The following AGBL3 variants were observed in gnomAD, a reference collection of about 807,000 sequenced individuals.
The protein encoded by AGBL3 is cytosolic carboxypeptidase 3.
In AGBL3, 68 loss-of-function variants were observed where a neutral mutation model predicts 94.5. The ratio of observed to expected loss-of-function variants is 0.72; its 90% CI spans 0.59 to 0.88. AGBL3 has a LOEUF of 0.88. AGBL3 is among the 40% of genes least tolerant of loss of function. AGBL3 has a pLI of 0.00. For synonymous variants in AGBL3, 354 were observed against 370.7 expected (o/e 0.95, Z 0.52); for missense variants, 934 against 1,103.8 (o/e 0.85, Z 2.18).
chr7:135,106,506 G>C (rs1016613280), intron 15 of AGBL3, among the ~76,000 whole-genome samples: 2 of 152,162 alleles, frequency 1.3e-5, no homozygotes, highest in South Asian at 4.1e-4. Flanking sequence ...TTTATGTGAT[G>C]AATCACATTT....
At chr7:135,012,586 A>C (rs1238273249) in intron 4 of AGBL3, 2 of 152,186 alleles carry the variant, frequency 1.3e-5, no homozygotes, top group African/African-American at 4.8e-5. Context: ...CAATTGACAA[A>C]AAGATGAATA....
At chr7:135,001,586 G>A (rs1399253394) in intron 4 of AGBL3, among the ~76,000 whole-genome samples, 1 of 152,206 alleles carries the variant, frequency 6.6e-6, no homozygotes, top group African/African-American at 2.4e-5. Flanking sequence ...CTCCAATAGT[G>A]TTTCATTAAG....
intron 16 of AGBL3, among the ~76,000 whole-genome samples, chr7:135,118,520 C>T (rs1412753492): frequency 6.6e-6 from 1 of 152,152 alleles, no homozygotes. Context: ...TATCTCCCCA[C>T]TCCCTGAGCT....
At chr7:135,099,604 C>A (rs1298798605) in intron 15 of AGBL3, among the ~76,000 whole-genome samples, 1 of 152,114 alleles carries the variant, frequency 6.6e-6, no homozygotes, top group Admixed American at 6.5e-5. Flanking sequence ...TTTCTTCTAC[C>A]TGACTACCTT....
At chr7:135,067,433 A>T (rs954950028) in intron 12 of AGBL3, among the ~76,000 whole-genome samples, 2 of 152,230 alleles carry the variant, frequency 1.3e-5, no homozygotes, top group Non-Finnish European at 2.9e-5. Flanking sequence ...GAACGAGCAG[A>T]CTGCCTCCTC....
intron 5 of AGBL3, among the ~76,000 whole-genome samples, chr7:135,023,966 G>A (rs147277519): frequency 6.6e-6 from 1 of 152,336 alleles, no homozygotes; most frequent in Non-Finnish European, 1.5e-5. Flanking sequence ...ATGTCCCAGG[G>A]CTTTGGCATG....
intron 4 of AGBL3, among the ~76,000 whole-genome samples, chr7:134,999,854 C>T (rs1389531494): frequency 6.6e-6 from 1 of 152,220 alleles, no homozygotes; most frequent in Non-Finnish European, 1.5e-5. Flanking sequence ...CAGAACTTTT[C>T]CATCATCTGA....
At position 135,079,857 on chromosome 7, in the gene AGBL3, CAT is replaced by C. The variant is rs996783916; in HGVS notation, c.1981-345_1981-344del. 1.7e-4 allele frequency among the ~76,000 whole-genome samples: 26 copies of C among 152,086 alleles called. No individual in the cohort carries two copies. In the East Asian group the frequency reaches 4.0e-3, roughly 24 times the overall value. On this transcript the variant is annotated intron_variant, in intron 13 of 16. Coordinates refer to ENST00000436302, the MANE Select transcript of AGBL3 (RefSeq NM_178563.4). ...CACCCATTTCACACTTTTATCTTCC[CAT>C]GTTTGTTGTTCTAATTTAAATAAGT... is the stretch of plus-strand genomic sequence containing the variant.
chr7:135,021,724 CTG>C (rs1245558624), intron 5 of AGBL3, among the ~76,000 whole-genome samples: 1 of 148,050 alleles, frequency 6.8e-6, no homozygotes, highest in Non-Finnish European at 1.5e-5. Flanking sequence ...ACACAGGTAT[CTG>C]TGTGCCATGG....
chr7:135,101,910 C>T (rs763233920), intron 15 of AGBL3, among the ~76,000 whole-genome samples: 9 of 152,148 alleles, frequency 5.9e-5, no homozygotes, highest in Non-Finnish European at 1.0e-4. Flanking sequence ...ATGCTGTCCT[C>T]ATGATAGTAA....
intron 9 of AGBL3, among the ~76,000 whole-genome samples, 188 bp from the exon 10 acceptor site, chr7:135,045,286 T>G (rs1817250368): frequency 6.6e-6 from 1 of 152,144 alleles, no homozygotes; most frequent in Non-Finnish European, 1.5e-5. Context: ...TAAATCAGCT[T>G]TGGTCCAGAT....
chr7:135,063,012 CTT>C (rs1818973637), intron 12 of AGBL3, among the ~76,000 whole-genome samples: 1 of 152,004 alleles, frequency 6.6e-6, no homozygotes, highest in Admixed American at 6.6e-5. Flanking sequence ...TGATGGGAAA[CTT>C]TTTATTTCTA....
At chr7:135,094,352 A>AG (rs1260438973) in intron 15 of AGBL3, 1 of 456,490 alleles carries the variant, frequency 2.2e-6, no homozygotes, top group East Asian at 6.9e-5. Flanking sequence ...AGACGAATCC[A>AG]GGGAGTCACT....
chr7:135,005,274 CTAATTG>C (rs1327633823), intron 4 of AGBL3, among the ~76,000 whole-genome samples: 2 of 151,714 alleles, frequency 1.3e-5, no homozygotes, highest in South Asian at 2.1e-4. Context: ...ATTCACAACT[CTAATTG>C]TATCAATGAA....
At chr7:134,995,327 T>A (rs577014803) in intron 4 of AGBL3, 1 of 152,356 alleles carries the variant, frequency 6.6e-6, no homozygotes, top group East Asian at 1.9e-4. Flanking sequence ...TCCACTCAAC[T>A]TGGTTCCACC....
chr7:135,041,397 T>C (rs998365321), intron 8 of AGBL3, among the ~76,000 whole-genome samples: 3 of 152,180 alleles, frequency 2.0e-5, no homozygotes, highest in African/African-American at 7.2e-5. Flanking sequence ...AGTATGTTAA[T>C]AGGAACTGTG....
Position 135,045,846 on chromosome 7 carries a change from C to T in AGBL3, c.1776C>T (p.Thr592=). 1.3e-6 allele frequency: 2 copies of T among 1,550,732 alleles called. No homozygotes were observed. Among genetic ancestry groups the T allele is most frequent in the Non-Finnish European group, 1.7e-6 (2 of 1,146,346 alleles). ...TAGAAGAAATGGAAAGACATATAAC[C>T]CTGGAAAAAGTCTTTGAGGATTCAG... The part of the protein sequence containing the change: ...KELEEMERHI[T]LEKVFEDSDT... The change falls in exon 11 of 17, where the codon ACC becomes ACT. Residue 592 remains threonine, a synonymous_variant. Transcript: ENST00000436302.
rs549103062 is a variant in AGBL3, at chr7:135,034,926, T to A, written c.1335T>A (p.His445Gln). ...PSVWYTRNMV[H>Q]RLMEKREVIL... ...TATGGTATACCCGGAACATGGTTCATAGGTAAAATAAGCCTCAAATTACCT... is the reference window on the plus strand; with the variant it reads ...TATGGTATACCCGGAACATGGTTCAAAGGTAAAATAAGCCTCAAATTACCT... The change falls in exon 7 of 17, where the codon CAT (histidine) becomes CAA (glutamine). Residue 445 changes from histidine to glutamine, a missense_variant and splice_region_variant. Around this residue, in one of 3 missense-constraint regions of AGBL3, gnomAD observed 488 missense variants for 563.6 expected, o/e 0.87. Transcript: ENST00000436302. The A allele has an allele frequency of 1.1e-5, 16 of 1,488,472 alleles. No homozygotes were observed. The East Asian group carries it at 3.7e-4, about 35-fold the overall frequency. The allele number at this position is 1,488,472 out of a possible 1,614,324, so 92.2% of individuals were successfully genotyped here.
intron 15 of AGBL3, among the ~76,000 whole-genome samples, chr7:135,091,543 T>A (rs1401260580): frequency 6.6e-6 from 1 of 152,230 alleles, no homozygotes; most frequent in Non-Finnish European, 1.5e-5. Context: ...TATTCATTGT[T>A]CTTTTTGAGG....
Sources: allele counts gnomAD v4.1 joint callset (sites outside exome capture counted in the v4.1 genomes callset), GRCh38; gene constraint gnomAD v4.1.1; regional missense constraint gnomAD v4.1.1; transcripts MANE v1.5; gene names NCBI Gene and HGNC (gene_info 2026-07-23, HGNC 2026-07-21).